The following NAV3 variants were observed in gnomAD, a reference collection of about 807,000 sequenced individuals.
NAV3 encodes the protein pore membrane and/or filament interacting like protein 1.
Under a neutral mutation model 244.7 loss-of-function variants are expected in NAV3, and 87 were observed. The observed-to-expected ratio is 0.36, with a 90% CI of 0.30 to 0.42. The LOEUF (loss-of-function observed/expected upper bound fraction) is 0.42, where lower values mean the gene tolerates loss of function less well. Ranked by LOEUF, NAV3 falls within the 20% of genes least tolerant of loss-of-function variation. NAV3 has a pLI of 1.00. For missense variants in NAV3, 2,663 were observed against 2,893.3 expected, an observed-to-expected ratio of 0.92 and a Z score of 1.83; for synonymous variants, 1,126 against 1,042.2, an observed-to-expected ratio of 1.08 and a Z score of -1.55.
intron 2 of NAV3, among the ~76,000 whole-genome samples, chr12:77,717,218 A>G (rs546307881): frequency 1.6e-4 from 24 of 152,156 alleles, no homozygotes; most frequent in African/African-American, 5.5e-4. Flanking sequence ...TACCGCAGAA[A>G]TCTAGAACTT....
chr12:78,207,096 T>C (rs964049616), intron 39 of NAV3, among the ~76,000 whole-genome samples: 4 of 152,060 alleles, frequency 2.6e-5, no homozygotes, highest in Admixed American at 1.3e-4. Flanking sequence ...TGTTTTTATT[T>C]CTATGTATTT....
At chr12:78,142,640 A>G (rs1956664968) in intron 20 of NAV3, among the ~76,000 whole-genome samples, 1 of 146,940 alleles carries the variant, frequency 6.8e-6, no homozygotes, top group African/African-American at 2.5e-5. Context: ...TGAAATGGGA[A>G]CACAGATTAA....
At chr12:77,828,422 G>A (rs182887106), upstream of NAV3, among the ~76,000 whole-genome samples, 36 of 152,308 alleles carry the variant, frequency 2.4e-4, no homozygotes, top group Admixed American at 1.8e-3. Flanking sequence ...GACTAACACA[G>A]TGGGTTCGAG....
chr12:77,700,169 A>G (rs1427071657), intron 2 of NAV3, among the ~76,000 whole-genome samples: 1 of 152,170 alleles, frequency 6.6e-6, no homozygotes, highest in Non-Finnish European at 1.5e-5. Flanking sequence ...ATTAACACTC[A>G]GTCATCTTTG....
chr12:77,763,944 A>C (rs925695146), intron 2 of NAV3, among the ~76,000 whole-genome samples: 1 of 152,162 alleles, frequency 6.6e-6, no homozygotes, highest in Non-Finnish European at 1.5e-5. Context: ...CAAGTAAGGC[A>C]CTCAAAGCAT....
chr12:77,737,329 G>C (rs896786050), intron 2 of NAV3, among the ~76,000 whole-genome samples: 9 of 151,044 alleles, frequency 6.0e-5, no homozygotes, highest in Middle Eastern at 3.2e-3. Flanking sequence ...TTAAAAAGGA[G>C]GGTGGCATGT....
chr12:77,907,767 A>G (rs1418395069), intron 1 of NAV3, among the ~76,000 whole-genome samples: 1 of 152,132 alleles, frequency 6.6e-6, no homozygotes, highest in Non-Finnish European at 1.5e-5. Context: ...ATTTTCTAAG[A>G]CTAAACACCT....
chr12:77,661,119 T>A (rs1210736123), intron 2 of NAV3, among the ~76,000 whole-genome samples: 1 of 152,096 alleles, frequency 6.6e-6, no homozygotes, highest in Non-Finnish European at 1.5e-5. Flanking sequence ...GATTGTTGAC[T>A]AGAATGCTAA....
At chr12:77,631,161 G>T (rs1871878576) in intron 2 of NAV3, among the ~76,000 whole-genome samples, 1 of 152,082 alleles carries the variant, frequency 6.6e-6, no homozygotes, top group Non-Finnish European at 1.5e-5. Context: ...GATGTTTTTA[G>T]GTTCTGGACA....
intron 2 of NAV3, among the ~76,000 whole-genome samples, chr12:77,806,132 G>C (rs754243640): frequency 6.6e-6 from 1 of 151,964 alleles, no homozygotes; most frequent in East Asian, 1.9e-4. Context: ...TGGGTTCATT[G>C]ATTTTTTGAA....
chr12:77,941,049 T>A (rs755403782), intron 2 of NAV3, 32 bp from the exon 3 acceptor site: 3 of 1,437,930 alleles, frequency 2.1e-6, no homozygotes. Context: ...TCGTTCTTTT[T>A]TTCTCTCTTT....
chr12:77,744,786 T>C (rs1303095681), intron 2 of NAV3, among the ~76,000 whole-genome samples: 2 of 151,946 alleles, frequency 1.3e-5, no homozygotes, highest in African/African-American at 4.8e-5. Context: ...TTTTCATTGA[T>C]TTAAATGATA....
At chr12:78,021,704 G>T (rs768606078) in intron 8 of NAV3, 43 bp from the exon 9 acceptor site, 8 of 1,337,532 alleles carry the variant, frequency 6.0e-6, no homozygotes, top group South Asian at 1.2e-5. Context: ...AGTGACTAGT[G>T]ACTATAACTG....
intron 8 of NAV3, among the ~76,000 whole-genome samples, chr12:78,009,811 A>C (rs1055681066): frequency 1.3e-5 from 2 of 152,230 alleles, no homozygotes; most frequent in Non-Finnish European, 2.9e-5. Flanking sequence ...ATGAAAGATT[A>C]AAGAAAATAA....
At chr12:77,819,113 A>G (rs554625385) in intron 2 of NAV3, among the ~76,000 whole-genome samples, 3 of 152,182 alleles carry the variant, frequency 2.0e-5, no homozygotes, top group Admixed American at 2.0e-4. Flanking sequence ...TATATCTATC[A>G]GTGAGAAGGA....
chr12:77,883,262 A>C (rs767696735), intron 1 of NAV3, among the ~76,000 whole-genome samples: 1 of 152,176 alleles, frequency 6.6e-6, no homozygotes, highest in South Asian at 2.1e-4. Flanking sequence ...CTATGCTGCT[A>C]TAAAAAGAAC....
At position 77,691,342 on chromosome 12, in the gene NAV3, T is replaced by C. The variant is rs1290261995; in HGVS notation, c.72+119076T>C. 2.1e-4 allele frequency among the ~76,000 whole-genome samples: 28 copies of C among 133,380 alleles called. 1 individual carries two copies. The highest frequency in any genetic ancestry group is 7.3e-4 in the African/African-American group (27 of 36,968). 87.5% of individuals were successfully genotyped at this position (133,380 alleles called of 152,430 possible). A position where few individuals can be genotyped will look rare whatever the true frequency, so the allele number is the denominator to read the frequency against. On this transcript the variant is annotated intron_variant, in intron 2 of 8. Coordinates refer to the NAV3 transcript ENST00000550042. Reference sequence around the variant, plus strand: ...ATAAGTATTTGTGTATGTGTGTATATATATATATATATACATATCCATTCT... The same window carrying C: ...ATAAGTATTTGTGTATGTGTGTATACATATATATATATACATATCCATTCT...
chr12:77,639,791 C>T (rs1013790487), intron 2 of NAV3, among the ~76,000 whole-genome samples: 1 of 152,088 alleles, frequency 6.6e-6, no homozygotes, highest in Admixed American at 6.6e-5. Flanking sequence ...CCTTGTGCTT[C>T]AAATATGAGG....
At chr12:78,005,925 T>G (rs1449581406) in intron 7 of NAV3, among the ~76,000 whole-genome samples, 3 of 152,214 alleles carry the variant, frequency 2.0e-5, no homozygotes, top group Non-Finnish European at 4.4e-5. Flanking sequence ...ACTTTTTTTT[T>G]TGAGAGAGAG....
Sources: gnomAD v4.1 joint callset for allele counts (sites outside exome capture counted in the v4.1 genomes callset) on GRCh38, gnomAD v4.1.1 for gene constraint, MANE v1.5 for transcripts, NCBI Gene and HGNC (gene_info 2026-07-23, HGNC 2026-07-21) for gene names.